The following TIMELESS variants were observed in gnomAD, a reference collection of about 807,000 sequenced individuals.
The protein encoded by TIMELESS is timeless circadian regulator, also known as protein timeless homolog.
A neutral mutation model predicts 164.3 loss-of-function variants in TIMELESS; 124 were observed. The ratio of observed to expected loss-of-function variants is 0.75; its 90% CI spans 0.65 to 0.88. TIMELESS has a LOEUF of 0.88. TIMELESS is among the 40% of genes least tolerant of loss of function. TIMELESS has a pLI of 0.00. For missense variants in TIMELESS, 1,422 were observed against 1,491.4 expected, an observed-to-expected ratio of 0.95 and a Z score of 0.77; for synonymous variants, 564 against 563.4, an observed-to-expected ratio of 1.00 and a Z score of -0.02.
chr12:56,444,635 C>T (rs868054850), intron 1 of TIMELESS, among the ~76,000 whole-genome samples: 1 of 151,662 alleles, frequency 6.6e-6, no homozygotes, highest in Non-Finnish European at 1.5e-5. Flanking sequence ...CAGCCTCAAG[C>T]CCCCAGGCTC....
Position 56,424,817 on chromosome 12 carries a change from C to G in TIMELESS, c.1813G>C (p.Asp605His). ...GGGGCCTGGCCAGCCAGGAGACAGT[C>G]TTGGATCCGTACCATAGCTTCTGCC... ...QRAEAMVRIQDCLLAGQAPQA... is the reference protein window; with the variant it reads ...QRAEAMVRIQHCLLAGQAPQA... Residue 605 changes from aspartate to histidine, a missense_variant, in exon 15 of 29, where the codon GAC (aspartate) becomes CAC (histidine). Physicochemically the swap from Asp to His is moderately conservative, Grantham distance 81. Transcript: ENST00000553532. 1 of 1,614,216 alleles carries G rather than the reference C, an allele frequency of 6.2e-7. No homozygotes were observed. Among genetic ancestry groups the G allele is most frequent in the Non-Finnish European group, 8.5e-7 (1 of 1,180,036 alleles).
chr12:56,428,796 G>C, intron 11 of TIMELESS, 87 bp downstream of exon 11: 1 of 1,514,188 alleles, frequency 6.6e-7, no homozygotes, highest in Middle Eastern at 2.2e-4. Context: ...CTGATCACCT[G>C]AACCCTGAAT....
intron 1 of TIMELESS, among the ~76,000 whole-genome samples, chr12:56,435,546 A>C (rs1882041826): frequency 6.6e-6 from 1 of 152,194 alleles, no homozygotes. Context: ...TTTGTAGGCC[A>C]GGTGCGGTGG....
rs71081360 is a variant in TIMELESS at position 56,445,422 on chromosome 12, C to CAAAAAA, written c.-62+3882_-62+3887dup. Among the ~76,000 whole-genome samples, 102 of 18,746 alleles carry CAAAAAA rather than the reference C, an allele frequency of 5.4e-3. 18 individuals carry two copies. The highest frequency in any genetic ancestry group is 9.4e-3 in the Non-Finnish European group (80 of 8,542). 12.3% of individuals were successfully genotyped at this position (18,746 alleles called of 152,430 possible). A position where few individuals can be genotyped will look rare whatever the true frequency, so the allele number is the denominator to read the frequency against. On this transcript the variant is annotated intron_variant, in intron 1 of 28. Transcript: ENST00000553532. ...GGGAAACAAGAGCGAAACTCCACGT[C>CAAAAAA]AAAAAAAAAAAAAAAAAAAAAAAAA... is the stretch of plus-strand genomic sequence containing the variant.
chr12:56,431,162 T>C (rs959953711), intron 8 of TIMELESS, among the ~76,000 whole-genome samples, 194 bp from the exon 9 acceptor site: 1 of 128,598 alleles, frequency 7.8e-6, no homozygotes, highest in Admixed American at 8.7e-5. Flanking sequence ...GAGACCAGCC[T>C]GGCCAACATG....
intron 1 of TIMELESS, among the ~76,000 whole-genome samples, chr12:56,442,931 ACT>A (rs1472406046): frequency 1.3e-5 from 2 of 152,072 alleles, no homozygotes; most frequent in African/African-American, 4.8e-5. Flanking sequence ...CCCAATCAAT[ACT>A]CTTATAATTT....
At chr12:56,430,369 T>G (rs1881836072) in intron 9 of TIMELESS, 88 bp from the exon 10 acceptor site, 1 of 1,457,068 alleles carries the variant, frequency 6.9e-7, no homozygotes, top group East Asian at 2.3e-5. Flanking sequence ...AGAAACTAAT[T>G]TTTGTTTTTC....
intron 7 of TIMELESS, among the ~76,000 whole-genome samples, chr12:56,432,016 C>T (rs1042568992): frequency 6.6e-6 from 1 of 151,740 alleles, no homozygotes; most frequent in Admixed American, 6.6e-5. Flanking sequence ...GACTAACAGG[C>T]GGGTATACAC....
At chr12:56,420,070 GTATA>G (rs71081354) in intron 26 of TIMELESS, among the ~76,000 whole-genome samples, 22,347 of 96,470 alleles carry the variant, frequency 0.23, 3,548 homozygotes, top group African/African-American at 0.38. Flanking sequence ...GTGTGTGTGT[GTATA>G]TATATATATA....
intron 15 of TIMELESS, 149 bp from the exon 16 acceptor site, chr12:56,424,043 G>A: frequency 2.8e-6 from 2 of 714,928 alleles, no homozygotes; most frequent in South Asian, 2.0e-5. Flanking sequence ...AAGACTCCAG[G>A]GAAAATTTTC....
At chr12:56,424,965 A>T in intron 14 of TIMELESS, 50 bp downstream of exon 14, 4 of 1,614,082 alleles carry the variant, frequency 2.5e-6, no homozygotes, top group Non-Finnish European at 3.4e-6. Context: ...CCCAGATTGT[A>T]TACCCTGAGC....
chr12:56,420,048 A>ATATATATATATATATGTGTG (rs1473074484), intron 26 of TIMELESS, among the ~76,000 whole-genome samples: 3 of 87,342 alleles, frequency 3.4e-5, no homozygotes, highest in East Asian at 2.8e-4. Flanking sequence ...ATATATATAT[A>ATATATATATATATATGTGTG]TGTGTGTGTG....
intron 1 of TIMELESS, among the ~76,000 whole-genome samples, chr12:56,441,558 T>C (rs1868274227): frequency 1.3e-5 from 2 of 151,864 alleles, no homozygotes. Flanking sequence ...GCCCAGGAGG[T>C]TGAAGTTGCA....
chr12:56,422,830 G>C lies in TIMELESS; in HGVS notation c.2438+17C>G. On this transcript the variant is annotated intron_variant, in intron 19 of 28. Transcript: ENST00000553532. The stretch of plus-strand genomic sequence containing the variant: ...CTTCCCCTACCCCCACCCACCCTTT[G>C]CCAACTTCAAGCTCACCTGTCATCC... 8.8e-6 allele frequency: 6 copies of C among 680,296 alleles called. No individual in the cohort carries two copies. Among genetic ancestry groups the C allele is most frequent in the African/African-American group, 3.8e-5 (2 of 52,392 alleles). 42.1% of individuals were successfully genotyped at this position (680,296 alleles called of 1,614,324 possible). A position where few individuals can be genotyped will look rare whatever the true frequency, so the allele number is the denominator to read the frequency against.
At chr12:56,448,936 C>A (rs1407720252) in intron 1 of TIMELESS, among the ~76,000 whole-genome samples, 1 of 152,174 alleles carries the variant, frequency 6.6e-6, no homozygotes, top group Non-Finnish European at 1.5e-5. Context: ...CACTGCTGAC[C>A]GCCAGGCCAC....
At chr12:56,422,811 C>CCA in intron 19 of TIMELESS, 36 bp downstream of exon 19, 4 of 1,457,398 alleles carry the variant, frequency 2.7e-6, no homozygotes, top group Non-Finnish European at 3.8e-6. Context: ...CAAACTTCCC[C>CCA]TACCCCCACC....
At chr12:56,432,185 T>C (rs1881908039) in intron 7 of TIMELESS, among the ~76,000 whole-genome samples, 184 bp downstream of exon 7, 1 of 152,180 alleles carries the variant, frequency 6.6e-6, no homozygotes, top group Non-Finnish European at 1.5e-5. Flanking sequence ...TGGTTGACTG[T>C]GAGTAACTGA....
At chr12:56,441,663 C>T (rs1868275365) in intron 1 of TIMELESS, among the ~76,000 whole-genome samples, 1 of 151,310 alleles carries the variant, frequency 6.6e-6, no homozygotes, top group African/African-American at 2.4e-5. Flanking sequence ...AACCCCTCCC[C>T]CGCCCCAAAT....
At chr12:56,440,151 TTTTTTG>T in intron 1 of TIMELESS, among the ~76,000 whole-genome samples, 1 of 148,016 alleles carries the variant, frequency 6.8e-6, no homozygotes, top group Admixed American at 6.8e-5. Flanking sequence ...TTTTTTTTTT[TTTTTTG>T]AGACAGAGTC....
Sources: gnomAD v4.1 joint callset for allele counts (sites outside exome capture counted in the v4.1 genomes callset) on GRCh38, gnomAD v4.1.1 for gene constraint, MANE v1.5 for transcripts, NCBI Gene and HGNC (gene_info 2026-07-23, HGNC 2026-07-21) for gene names.